The following FAR2 variants were observed in gnomAD, a reference collection of about 807,000 sequenced individuals.
FAR2 encodes fatty acyl-CoA reductase 2.
In FAR2, 19 loss-of-function variants were observed where a neutral mutation model predicts 56.0. The observed-to-expected ratio is 0.34, with a 90% CI of 0.24 to 0.50. The LOEUF (loss-of-function observed/expected upper bound fraction) is 0.50, where lower values mean the gene tolerates loss of function less well. FAR2 is among the 20% of genes least tolerant of loss of function. The probability of loss-of-function intolerance (pLI) is 0.98; values close to 1 mark genes in which losing one functional copy is unlikely to be tolerated. For missense variants in FAR2, 508 were observed against 642.2 expected (o/e 0.79, Z 2.26); for synonymous variants, 219 against 218.8 (o/e 1.00, Z -0.01).
At chr12:29,309,572 G>C (rs1483174430) in intron 6 of FAR2, among the ~76,000 whole-genome samples, 3 of 152,136 alleles carry the variant, frequency 2.0e-5, no homozygotes, top group Admixed American at 6.6e-5. Flanking sequence ...GCAGTGAATT[G>C]AGGATGCAGT....
At chr12:29,310,931 C>A in intron 6 of FAR2, 97 bp from the exon 7 acceptor site, 1 of 882,602 alleles carries the variant, frequency 1.1e-6, no homozygotes, top group Non-Finnish European at 1.9e-6. Flanking sequence ...GCTGTTTTCA[C>A]TTATTGCACT....
intron 1 of FAR2, among the ~76,000 whole-genome samples, chr12:29,220,920 A>G (rs1405859302): frequency 1.3e-5 from 2 of 152,132 alleles, no homozygotes; most frequent in Non-Finnish European, 2.9e-5. Context: ...ATATGTTGGC[A>G]TACTTCTGGG....
At chr12:29,208,326 T>C (rs1023103491) in intron 1 of FAR2, among the ~76,000 whole-genome samples, 2 of 152,186 alleles carry the variant, frequency 1.3e-5, no homozygotes, top group African/African-American at 4.8e-5. Context: ...TCAGCATCAC[T>C]GAACAGACAC....
intron 2 of FAR2, among the ~76,000 whole-genome samples, chr12:29,285,102 A>C (rs1948852167): frequency 6.6e-6 from 1 of 152,046 alleles, no homozygotes; most frequent in Admixed American, 6.6e-5. Flanking sequence ...CTGCCTCCCA[A>C]AGTGCTGGGA....
chr12:29,306,902 C>G (rs1949261048), intron 4 of FAR2, among the ~76,000 whole-genome samples: 1 of 152,204 alleles, frequency 6.6e-6, no homozygotes, highest in Non-Finnish European at 1.5e-5. Context: ...AGATAATTTT[C>G]AAGTTATTAG....
At chr12:29,263,560 A>C (rs1412458519) in intron 1 of FAR2, among the ~76,000 whole-genome samples, 1 of 152,056 alleles carries the variant, frequency 6.6e-6, no homozygotes, top group African/African-American at 2.4e-5. Flanking sequence ...CAGTGGGTCA[A>C]TGAAGAAATT....
chr12:29,289,801 G>T (rs1283405691), intron 2 of FAR2, among the ~76,000 whole-genome samples: 1 of 152,086 alleles, frequency 6.6e-6, no homozygotes, highest in Non-Finnish European at 1.5e-5. Context: ...TCTGATAAAG[G>T]ATTAATAACC....
At chr12:29,305,696 G>A (rs575570487) in intron 4 of FAR2, among the ~76,000 whole-genome samples, 17 of 152,084 alleles carry the variant, frequency 1.1e-4, no homozygotes, top group African/African-American at 3.4e-4. Flanking sequence ...TATAATTATT[G>A]CCATTTTCAC....
intron 2 of FAR2, 126 bp downstream of exon 2, chr12:29,270,764 GACAAA>G (rs2136707581): frequency 1.4e-6 from 1 of 702,838 alleles, no homozygotes; most frequent in Non-Finnish European, 2.1e-6. Context: ...GAGGAAGGCA[GACAAA>G]ACAAGACAGC....
intron 1 of FAR2, among the ~76,000 whole-genome samples, chr12:29,267,748 C>T (rs1484229406): frequency 1.3e-5 from 2 of 152,194 alleles, no homozygotes; most frequent in Admixed American, 6.5e-5. Context: ...ACAAAGGGAG[C>T]TCAAACAGTA....
chr12:29,317,936 G>A (rs777243819), intron 9 of FAR2: 1 of 152,700 alleles, frequency 6.5e-6, no homozygotes, highest in Admixed American at 6.5e-5. Flanking sequence ...ACCTAGAGAT[G>A]AGTGAAGAAA....
At chr12:29,256,019 A>T (rs1331597631) in intron 1 of FAR2, among the ~76,000 whole-genome samples, 4 of 151,842 alleles carry the variant, frequency 2.6e-5, no homozygotes, top group Non-Finnish European at 5.9e-5. Context: ...ACAGGTGCCC[A>T]CCACCATGCC....
intron 2 of FAR2, among the ~76,000 whole-genome samples, chr12:29,273,972 T>C (rs535374156): frequency 6.6e-6 from 1 of 152,300 alleles, no homozygotes; most frequent in African/African-American, 2.4e-5. Context: ...ACCAGCCTTC[T>C]AGTCAATTTT....
Position 29,215,471 on chromosome 12 carries a change from T to C in FAR2, c.-38-54941T>C, listed in dbSNP as rs187347947. 1.6e-3 allele frequency among the ~76,000 whole-genome samples: 242 copies of C among 152,340 alleles called. 2 individuals are homozygous for C. In the South Asian group the frequency reaches 0.022, roughly 14 times the overall value. On this transcript the variant is annotated intron_variant, in intron 1 of 11. Transcript: ENST00000536681. Reference sequence around the variant, plus strand: ...ACAGGCATCTTTCATTTGTACATTATTTTTGACATGGAAACTGATCAAATA... The same window carrying C: ...ACAGGCATCTTTCATTTGTACATTACTTTTGACATGGAAACTGATCAAATA...
At chr12:29,257,039 G>C (rs879508269) in intron 1 of FAR2, among the ~76,000 whole-genome samples, 4 of 152,252 alleles carry the variant, frequency 2.6e-5, no homozygotes, top group Non-Finnish European at 5.9e-5. Context: ...TGCACGGCGC[G>C]GGACTGGCAG....
chr12:29,253,521 A>G (rs927298910), intron 1 of FAR2, among the ~76,000 whole-genome samples: 2 of 152,026 alleles, frequency 1.3e-5, no homozygotes, highest in South Asian at 2.1e-4. Flanking sequence ...AACTAATACA[A>G]TGATAATCTA....
At chr12:29,194,521 C>CCACACACACACACACA (rs3222956) in intron 1 of FAR2, among the ~76,000 whole-genome samples, 27 of 140,792 alleles carry the variant, frequency 1.9e-4, no homozygotes, top group Middle Eastern at 3.4e-3. Context: ...GCTAGTGATG[C>CCACACACACACACACA]CACACACACA....
intron 1 of FAR2, among the ~76,000 whole-genome samples, chr12:29,219,154 G>T (rs1170672272): frequency 6.6e-6 from 1 of 152,086 alleles, no homozygotes; most frequent in East Asian, 1.9e-4. Flanking sequence ...CTCCCAAAGT[G>T]CTGGGATTAC....
intron 4 of FAR2, 100 bp from the exon 5 acceptor site, chr12:29,307,557 GA>G: frequency 8.4e-7 from 1 of 1,196,304 alleles, no homozygotes; most frequent in Non-Finnish European, 1.2e-6. Context: ...TTCCAGAACC[GA>G]GGCTAAAAGG....
Sources: gnomAD v4.1 joint callset for allele counts (sites outside exome capture counted in the v4.1 genomes callset) on GRCh38, gnomAD v4.1.1 for gene constraint, MANE v1.5 for transcripts, NCBI Gene and HGNC (gene_info 2026-07-23, HGNC 2026-07-21) for gene names.